RPA1: variants seen among roughly 807,000 people sequenced by gnomAD.
RPA1 encodes replication protein A1, also known as replication protein A 70 kDa DNA-binding subunit.
A neutral mutation model predicts 83.0 loss-of-function variants in RPA1; 49 were observed. The ratio of observed to expected loss-of-function variants is 0.59; its 90% CI spans 0.47 to 0.75. RPA1 has a LOEUF of 0.75. Ranked by LOEUF, RPA1 falls within the 30% of genes least tolerant of loss-of-function variation. The pLI is 0.00. For missense variants in RPA1, 693 were observed against 776.1 expected (o/e 0.89, Z 1.27); for synonymous variants, 279 against 281.8 (o/e 0.99, Z 0.10).
intron 13 of RPA1, among the ~76,000 whole-genome samples, chr17:1,886,158 G>C (rs112783635): frequency 6.6e-6 from 1 of 151,496 alleles, no homozygotes; most frequent in Non-Finnish European, 1.5e-5. Context: ...TTGAGCTCTC[G>C]GGTGAACAGG....
chr17:1,856,350 AC>A (rs1355111036), intron 5 of RPA1, among the ~76,000 whole-genome samples: 4 of 128 alleles, frequency 0.031, no homozygotes, highest in African/African-American at 0.11. Flanking sequence ...TAATCCCAAA[AC>A]TTTTGGGGAA....
intron 13 of RPA1, among the ~76,000 whole-genome samples, chr17:1,886,548 C>T (rs1026653571): frequency 1.3e-5 from 2 of 152,182 alleles, no homozygotes; most frequent in Admixed American, 6.5e-5. Flanking sequence ...TGAGTGCAGC[C>T]ACCTTCATTG....
intron 5 of RPA1, among the ~76,000 whole-genome samples, chr17:1,856,546 C>T (rs1026644121): frequency 1.3e-5 from 2 of 152,112 alleles, no homozygotes; most frequent in Non-Finnish European, 2.9e-5. Flanking sequence ...TTGCAGTGAG[C>T]TGAGATCATG....
chr17:1,874,983 G>A (rs1597447525), intron 6 of RPA1, among the ~76,000 whole-genome samples: 2 of 152,324 alleles, frequency 1.3e-5, no homozygotes, highest in African/African-American at 2.4e-5. Flanking sequence ...GATACGTGGT[G>A]CGTATAAAAG....
rs531208733 is a variant in RPA1, at chr17:1,845,591, T to C, written c.272+905T>C. On this transcript the variant is annotated intron_variant, in intron 4 of 16. Transcript: ENST00000254719. The stretch of plus-strand genomic sequence containing the variant: ...TGTACACGGACAAGTTACTGCATGC[T>C]AGAGATACAGTGATGAACAGAACTG... Among the ~76,000 whole-genome samples the C allele has an allele frequency of 1.2e-4, 18 of 152,238 alleles. No homozygotes were observed. The South Asian group carries it at 3.7e-3, about 32-fold the overall frequency.
At chr17:1,861,263 G>T (rs1760236973) in intron 5 of RPA1, among the ~76,000 whole-genome samples, 1 of 152,118 alleles carries the variant, frequency 6.6e-6, no homozygotes. Context: ...CAGACTCTCG[G>T]CCCCCATTTC....
chr17:1,831,066 C>T (rs1047002199), intron 1 of RPA1, among the ~76,000 whole-genome samples: 7 of 152,062 alleles, frequency 4.6e-5, no homozygotes, highest in Non-Finnish European at 7.4e-5. Context: ...GCGCCTGGCC[C>T]CAAGGCAATT....
At chr17:1,849,482 C>T (rs1194311058) in intron 4 of RPA1, among the ~76,000 whole-genome samples, 13 of 151,778 alleles carry the variant, frequency 8.6e-5, no homozygotes, top group South Asian at 4.1e-4. Context: ...TTAGTATAGA[C>T]GGGGTTTCAC....
chr17:1,840,696 G>A (rs1275075682), intron 1 of RPA1, among the ~76,000 whole-genome samples: 2 of 152,164 alleles, frequency 1.3e-5, no homozygotes, highest in Non-Finnish European at 2.9e-5. Flanking sequence ...GGCAAGAGCC[G>A]CCGTTTGCAG....
intron 1 of RPA1, among the ~76,000 whole-genome samples, chr17:1,835,762 C>T (rs1911794699): frequency 6.6e-6 from 1 of 152,072 alleles, no homozygotes. Flanking sequence ...TTTCATAATG[C>T]ACATTTTTCG....
At chr17:1,844,063 T>G (rs1423919893) in intron 3 of RPA1, 65 bp downstream of exon 3, 2 of 1,439,626 alleles carry the variant, frequency 1.4e-6, no homozygotes, top group African/African-American at 2.8e-5. Flanking sequence ...ACCTGGTCCT[T>G]TGGTTGCCAT....
intron 4 of RPA1, among the ~76,000 whole-genome samples, chr17:1,846,384 C>G (rs1464176545): frequency 1.5e-5 from 2 of 134,722 alleles, no homozygotes; most frequent in Non-Finnish European, 3.1e-5. Flanking sequence ...GTGGCACCAT[C>G]AGGGCTCACT....
chr17:1,888,611 C>T, intron 13 of RPA1, 64 bp from the exon 14 acceptor site: 1 of 1,522,608 alleles, frequency 6.6e-7, no homozygotes, highest in African/African-American at 1.4e-5. Context: ...CTTTGAGCTG[C>T]CTCTCGGTCC....
intron 1 of RPA1, among the ~76,000 whole-genome samples, chr17:1,834,896 CTG>C (rs1911754485): frequency 6.6e-6 from 1 of 152,138 alleles, no homozygotes; most frequent in Non-Finnish European, 1.5e-5. Context: ...GGGTCTCACT[CTG>C]TTGCCCAGGC....
At chr17:1,856,732 ATGT>A (rs1358533417) in intron 5 of RPA1, among the ~76,000 whole-genome samples, 3 of 151,062 alleles carry the variant, frequency 2.0e-5, no homozygotes, top group African/African-American at 7.3e-5. Context: ...GGATTTTGCC[ATGT>A]TGGCCAGGCT....
intron 4 of RPA1, 68 bp downstream of exon 4, chr17:1,844,754 C>A: frequency 2.5e-6 from 3 of 1,210,904 alleles, no homozygotes; most frequent in Non-Finnish European, 2.4e-6. Flanking sequence ...ATAAAAAAGG[C>A]AATAGTGAGT....
At chr17:1,848,998 C>T (rs368696030) in intron 4 of RPA1, among the ~76,000 whole-genome samples, 2 of 152,122 alleles carry the variant, frequency 1.3e-5, no homozygotes, top group Non-Finnish European at 2.9e-5. Context: ...CATTTGTGTA[C>T]AAGTTTTTTG....
intron 11 of RPA1, 122 bp from the exon 12 acceptor site, chr17:1,880,421 A>G (rs1044709554): frequency 2.3e-5 from 23 of 996,814 alleles, no homozygotes; most frequent in African/African-American, 1.8e-4. Context: ...TCTGTCTTGT[A>G]TGGATTCCAT....
chr17:1,839,029 A>G (rs1335629051), intron 1 of RPA1, among the ~76,000 whole-genome samples: 6 of 151,090 alleles, frequency 4.0e-5, no homozygotes, highest in Admixed American at 1.3e-4. Context: ...TTTTTTTTGT[A>G]TTTTTAGTAG....
Sources: allele counts gnomAD v4.1 joint callset (sites outside exome capture counted in the v4.1 genomes callset), GRCh38; gene constraint gnomAD v4.1.1; transcripts MANE v1.5; gene names NCBI Gene and HGNC (gene_info 2026-07-23, HGNC 2026-07-21).